Variants in KANK4 observed in about 807,000 individuals in gnomAD.
The protein encoded by KANK4 is KN motif and ankyrin repeat domain-containing protein 4.
A neutral mutation model predicts 80.8 loss-of-function variants in KANK4; 50 were observed. The ratio of observed to expected loss-of-function variants is 0.62; its 90% confidence interval spans 0.49 to 0.78. The LOEUF (loss-of-function observed/expected upper bound fraction) is 0.78. Ranked by LOEUF, KANK4 falls within the 30% of genes least tolerant of loss-of-function variation. The pLI, the probability that KANK4 is intolerant of heterozygous loss-of-function variation, is 0.00. For missense variants in KANK4, 1,196 were observed against 1,240.1 expected, an observed-to-expected ratio of 0.96 and a Z score of 0.53; for synonymous variants, 465 against 506.9, an observed-to-expected ratio of 0.92 and a Z score of 1.11.
intron 1 of KANK4, among the ~76,000 whole-genome samples, chr1:62,317,694 G>T (rs570590992): frequency 6.6e-6 from 1 of 152,320 alleles, no homozygotes; most frequent in African/African-American, 2.4e-5. Context: ...CAGACTGACC[G>T]ACTACTGGAC....
At position 62,258,516 on chromosome 1, in the gene KANK4, C is replaced by T. The variant is rs762568638; in HGVS notation, c.2539+4576G>A. On this transcript the variant is annotated intron_variant, in intron 7 of 9. Transcript: ENST00000371153. ...AACAACTTCAGGCTGTCATTATGTA[C>T]GTTGCCTTTCCCGTTCAGCTGAAGA... Among the ~76,000 whole-genome samples the T allele has an allele frequency of 3.3e-5, 5 of 152,182 alleles. No individual in the cohort carries two copies. In the South Asian group the frequency reaches 6.2e-4, roughly 19 times the overall value.
chr1:62,281,274 G>A (rs1204381830), intron 2 of KANK4, among the ~76,000 whole-genome samples: 1 of 152,170 alleles, frequency 6.6e-6, no homozygotes, highest in Non-Finnish European at 1.5e-5. Context: ...ACACAGCAAA[G>A]CTAACTGATA....
At chr1:62,259,421 C>T (rs1001394665) in intron 7 of KANK4, among the ~76,000 whole-genome samples, 3 of 152,106 alleles carry the variant, frequency 2.0e-5, no homozygotes, top group African/African-American at 4.8e-5. Context: ...GGACCACAGG[C>T]GTGTGCCATC....
In KANK4 at chr1:62,263,274, C is replaced by G. The variant is rs374086260; in HGVS notation, c.2357G>C (p.Arg786Pro). 2 of 1,613,386 alleles carry G rather than the reference C, an allele frequency of 1.2e-6. No homozygotes were observed. Among genetic ancestry groups the G allele is most frequent in the East Asian group, 4.5e-5 (2 of 44,858 alleles). ...GCTAGACGACTTCCGGCTGGAGACG[C>G]GGAACCACTCTTGACTGATGGTGTT... ...SLNTISQEWF[R>P]VSSRKSSSPA... The change falls in exon 7 of 10, where the codon CGC becomes CCC. Residue 786 changes from arginine to proline, a missense_variant. Transcript: ENST00000371153.
intron 9 of KANK4, among the ~76,000 whole-genome samples, chr1:62,244,238 C>T (rs1671414993): frequency 6.6e-6 from 1 of 151,732 alleles, no homozygotes; most frequent in African/African-American, 2.4e-5. Flanking sequence ...CTCTGTCACC[C>T]AGACAGGTGT....
In KANK4 at chr1:62,263,284, CTT is replaced by C. The variant is rs770663718; in HGVS notation, c.2345_2346del (p.Gln782ArgfsTer12). On this transcript the variant is annotated frameshift_variant, in exon 7 of 10. Transcript: ENST00000371153. LOFTEE classifies it high-confidence loss of function. ...TTCCGGCTGGAGACGCGGAACCACT[CTT>C]GACTGATGGTGTTCAAGCTTTGCCT... is the stretch of plus-strand genomic sequence containing the variant. ...LLRQSLNTISQEWFRVSSRKS... is the reference protein window; with the variant it reads ...LLRQSLNTISXEWFRVSSRKS... The C allele has an allele frequency of 6.2e-7, 1 of 1,613,476 alleles. No homozygotes were observed.
In KANK4 at chr1:62,295,345, T is replaced by C. The variant is rs547643090; in HGVS notation, c.-70-13711A>G. Among the ~76,000 whole-genome samples the C allele has an allele frequency of 2.1e-4, 32 of 152,332 alleles. 1 individual carries two copies. Among genetic ancestry groups the C allele is most frequent in the Admixed American group, 1.3e-4 (2 of 15,300 alleles). On this transcript the variant is annotated intron_variant, in intron 1 of 9. Transcript: ENST00000371153. ...TTTTAGTAGAGACAGGGTTTCGCCATGTTGCCCAGGCTGGTCTCAGGCAAT... is the reference window on the plus strand; with the variant it reads ...TTTTAGTAGAGACAGGGTTTCGCCACGTTGCCCAGGCTGGTCTCAGGCAAT...
chr1:62,305,418 C>T (rs972905005), intron 1 of KANK4, among the ~76,000 whole-genome samples: 2 of 152,130 alleles, frequency 1.3e-5, no homozygotes, highest in African/African-American at 4.8e-5. Flanking sequence ...AAGCAATTCT[C>T]CTGCTTCAGC....
At chr1:62,307,350 T>A (rs1410666073) in intron 1 of KANK4, among the ~76,000 whole-genome samples, 2 of 151,870 alleles carry the variant, frequency 1.3e-5, no homozygotes, top group Non-Finnish European at 2.9e-5. Context: ...GACGTCGTGG[T>A]GCACACCTGC....
intron 2 of KANK4, among the ~76,000 whole-genome samples, 164 bp from the exon 3 acceptor site, chr1:62,275,251 G>A (rs1347637038): frequency 6.6e-6 from 1 of 152,216 alleles, no homozygotes; most frequent in Non-Finnish European, 1.5e-5. Flanking sequence ...CTTTTTGGCT[G>A]TATTGGAAAA....
chr1:62,241,750 G>C (rs1390957152), intron 9 of KANK4, among the ~76,000 whole-genome samples: 3 of 152,196 alleles, frequency 2.0e-5, no homozygotes, highest in African/African-American at 7.2e-5. Flanking sequence ...CCTAAAGGAG[G>C]AGCCTGGGTT....
intron 1 of KANK4, among the ~76,000 whole-genome samples, chr1:62,287,935 T>C (rs889628883): frequency 3.9e-5 from 6 of 152,200 alleles, no homozygotes; most frequent in South Asian, 4.1e-4. Context: ...TCTAAGGGTA[T>C]AGAAAAAATA....
chr1:62,304,895 T>C (rs1433480780), intron 1 of KANK4, among the ~76,000 whole-genome samples: 2 of 152,120 alleles, frequency 1.3e-5, no homozygotes, highest in Non-Finnish European at 2.9e-5. Context: ...GCTGCTTATC[T>C]GCTACCTACC....
intron 1 of KANK4, among the ~76,000 whole-genome samples, chr1:62,310,849 A>G (rs1644492376): frequency 7.5e-6 from 1 of 133,928 alleles, no homozygotes; most frequent in Non-Finnish European, 1.6e-5. Flanking sequence ...GAGAATAGGT[A>G]AAATTAGGCA....
intron 2 of KANK4, among the ~76,000 whole-genome samples, chr1:62,279,243 G>C (rs12125010): frequency 0.18 from 12,013 of 67,824 alleles, 620 homozygotes; most frequent in African/African-American, 0.31. Flanking sequence ...CACACACACA[G>C]AGTGATCCAT....
chr1:62,288,532 A>G (rs1044726315), intron 1 of KANK4, among the ~76,000 whole-genome samples: 2 of 150,384 alleles, frequency 1.3e-5, no homozygotes, highest in Non-Finnish European at 3.0e-5. Flanking sequence ...TCACAGACAC[A>G]GTCATTCCCA....
chr1:62,293,553 A>G (rs992401698), intron 1 of KANK4, among the ~76,000 whole-genome samples: 2 of 152,250 alleles, frequency 1.3e-5, no homozygotes, highest in Admixed American at 6.5e-5. Context: ...ATAAGGAACT[A>G]GGAACATAAT....
intron 9 of KANK4, among the ~76,000 whole-genome samples, chr1:62,243,309 A>G (rs1420800014): frequency 6.6e-6 from 1 of 151,010 alleles, no homozygotes; most frequent in African/African-American, 2.4e-5. Context: ...GGCATTCTCA[A>G]TTGCAGCACT....
rs553882774 is a variant in KANK4, at chr1:62,273,463, G to T, written c.1641C>A (p.His547Gln). 5.0e-6 allele frequency: 8 copies of T among 1,613,964 alleles called. No individual in the cohort carries two copies. The highest frequency in any genetic ancestry group is 5.9e-6 in the Non-Finnish European group (7 of 1,179,938). Residue 547 changes from histidine (H) to glutamine (Q), a missense_variant, in exon 3 of 10, where the codon CAC becomes CAA. By Grantham distance (24) the His-to-Gln change is conservative. Coordinates refer to ENST00000371153, the MANE Select transcript of KANK4 (RefSeq NM_181712.5). ...ETSSNLPGKE[H>Q]PGRPPSSPTD... ...TTGGCGAGCTTGGTGGCCTTCCCGGGTGCTCCTTCCCTGGGAGATTGGAAC... is the reference window on the plus strand; with the variant it reads ...TTGGCGAGCTTGGTGGCCTTCCCGGTTGCTCCTTCCCTGGGAGATTGGAAC...
Sources: allele counts gnomAD v4.1 joint callset (sites outside exome capture counted in the v4.1 genomes callset), GRCh38; gene constraint gnomAD v4.1.1; transcripts MANE v1.5; gene names NCBI Gene and HGNC (gene_info 2026-07-23, HGNC 2026-07-21).